DNER: variants seen among roughly 807,000 people sequenced by gnomAD.
DNER encodes the protein delta/notch like EGF repeat containing, also known as delta and Notch-like epidermal growth factor-related receptor.
In DNER, 33 loss-of-function variants were observed where a neutral mutation model predicts 78.2. The ratio of observed to expected loss-of-function variants is 0.42; its 90% CI spans 0.32 to 0.56. DNER has a LOEUF of 0.56. Among genes scored for constraint, DNER ranks in the 20% least tolerant of loss-of-function variants. The pLI is 0.11. For missense variants in DNER, 918 were observed against 975.3 expected (o/e 0.94, Z 0.78); for synonymous variants, 417 against 384.8 (o/e 1.08, Z -0.98).
intron 1 of DNER, among the ~76,000 whole-genome samples, chr2:229,709,766 A>T (rs1699883863): frequency 6.6e-6 from 1 of 152,246 alleles, no homozygotes; most frequent in Non-Finnish European, 1.5e-5. Context: ...GGAACATGTA[A>T]CGAAAAAACA....
chr2:229,487,040 A>T (rs1695290981), intron 6 of DNER, among the ~76,000 whole-genome samples: 1 of 152,218 alleles, frequency 6.6e-6, no homozygotes, highest in Non-Finnish European at 1.5e-5. Context: ...TCATTTCCGA[A>T]TTACACATAT....
chr2:229,595,580 C>A lies in DNER; in HGVS notation c.277-3692G>T, dbSNP rs116365609. Among the ~76,000 whole-genome samples, 5 of 152,350 alleles carry A rather than the reference C, an allele frequency of 3.3e-5. No individual in the cohort carries two copies. In the South Asian group the frequency reaches 6.2e-4, roughly 19 times the overall value. On this transcript the variant is annotated intron_variant, in intron 1 of 12. Coordinates refer to ENST00000341772, the MANE Select transcript of DNER (RefSeq NM_139072.4). ...TATAGACATGAGCCACTGTGCCCAG[C>A]CTGTATTCACCAAGTTTTACAGGCC...
At chr2:229,556,448 G>GTAA (rs1367830487) in intron 4 of DNER, among the ~76,000 whole-genome samples, 1 of 152,202 alleles carries the variant, frequency 6.6e-6, no homozygotes, top group Non-Finnish European at 1.5e-5. Context: ...AATGCTCTAA[G>GTAA]TAATTCTGAT....
At chr2:229,656,916 T>G (rs1422251021) in intron 1 of DNER, among the ~76,000 whole-genome samples, 1 of 152,124 alleles carries the variant, frequency 6.6e-6, no homozygotes, top group East Asian at 1.9e-4. Context: ...AATGACTTAA[T>G]ACACATATAT....
In DNER at chr2:229,591,793, A is replaced by G. The variant is rs768586225; in HGVS notation, c.372T>C (p.Asn124=). The part of the protein sequence containing the change: ...SSSDGYLCIC[N]EGYEGPNCEQ... Reference sequence around the variant, plus strand: ...CACAGTTGGGACCTTCATAGCCTTCATTGCAAATGCAGAGGTAGCCATCGC... The same window carrying G: ...CACAGTTGGGACCTTCATAGCCTTCGTTGCAAATGCAGAGGTAGCCATCGC... The change falls in exon 2 of 13, where the codon AAT becomes AAC. Residue 124 remains asparagine, a synonymous_variant. Transcript: ENST00000341772. This position sits in a 1 kb window ranked among gnomAD's most constrained non-coding sequence, Gnocchi z 4.6. 8.7e-6 allele frequency: 14 copies of G among 1,614,046 alleles called. No homozygotes were observed. The highest frequency in any genetic ancestry group is 1.1e-5 in the Non-Finnish European group (13 of 1,179,992).
chr2:229,588,625 A>C, intron 2 of DNER, 137 bp from the exon 3 acceptor site: 1 of 669,496 alleles, frequency 1.5e-6, no homozygotes, highest in East Asian at 2.7e-5. Flanking sequence ...GAGATGAAGA[A>C]GTGAAGCCTT....
chr2:229,445,391 T>G (rs1694319551), intron 8 of DNER, among the ~76,000 whole-genome samples: 1 of 152,228 alleles, frequency 6.6e-6, no homozygotes, highest in African/African-American at 2.4e-5. Flanking sequence ...GTGGAGAAAC[T>G]GTTTCACTTC....
At chr2:229,536,565 T>C (rs1370602768) in intron 5 of DNER, among the ~76,000 whole-genome samples, 1 of 152,126 alleles carries the variant, frequency 6.6e-6, no homozygotes, top group Non-Finnish European at 1.5e-5. Context: ...CACTGACTTA[T>C]GAACTGAAAA....
At chr2:229,682,963 A>G (rs971798555) in intron 1 of DNER, among the ~76,000 whole-genome samples, 1 of 152,254 alleles carries the variant, frequency 6.6e-6, no homozygotes, top group Admixed American at 6.5e-5. Context: ...GAACTATACA[A>G]CTGTAAAGAT....
chr2:229,640,101 T>C (rs1698590780), intron 1 of DNER, among the ~76,000 whole-genome samples: 2 of 152,338 alleles, frequency 1.3e-5, no homozygotes, highest in South Asian at 4.1e-4. Context: ...TCCTTGCTAC[T>C]GCACCACTGA....
intron 8 of DNER, among the ~76,000 whole-genome samples, chr2:229,435,092 C>A (rs1412811772): frequency 2.6e-5 from 4 of 152,154 alleles, no homozygotes; most frequent in Non-Finnish European, 5.9e-5. Flanking sequence ...GGCCCTGTGA[C>A]TTGCTCATGC....
intron 9 of DNER, among the ~76,000 whole-genome samples, chr2:229,412,308 T>A (rs1188879750): frequency 6.6e-6 from 1 of 152,240 alleles, no homozygotes; most frequent in Non-Finnish European, 1.5e-5. Flanking sequence ...TTACATTCCA[T>A]GAAAATGTTT....
intron 8 of DNER, among the ~76,000 whole-genome samples, chr2:229,431,825 A>C (rs1694014071): frequency 6.6e-6 from 1 of 152,298 alleles, no homozygotes; most frequent in South Asian, 2.1e-4. Context: ...TCTTTTACAA[A>C]AGGAAATAGA....
At chr2:229,648,960 C>T (rs1362384114) in intron 1 of DNER, among the ~76,000 whole-genome samples, 2 of 152,170 alleles carry the variant, frequency 1.3e-5, no homozygotes, top group Non-Finnish European at 2.9e-5. Context: ...TTTTTTCCTA[C>T]CGAGTGATAA....
intron 8 of DNER, among the ~76,000 whole-genome samples, chr2:229,421,615 AC>A (rs1473690168): frequency 7.0e-6 from 1 of 142,036 alleles, no homozygotes; most frequent in Non-Finnish European, 1.5e-5. Context: ...GTGGTAAAAA[AC>A]ATACAACATG....
chr2:229,454,342 T>C (rs970383123), intron 7 of DNER, among the ~76,000 whole-genome samples: 5 of 152,232 alleles, frequency 3.3e-5, no homozygotes, highest in Non-Finnish European at 7.3e-5. Context: ...CTTTGCTTTA[T>C]GGAACAGACT....
intron 5 of DNER, among the ~76,000 whole-genome samples, chr2:229,542,775 CAAAAAA>C (rs56738752): frequency 2.3e-5 from 2 of 88,272 alleles, no homozygotes; most frequent in Non-Finnish European, 2.4e-5. Flanking sequence ...CCCAAGTAGG[CAAAAAA>C]AAAAAAAAAA....
At chr2:229,499,598 A>C (rs1695571465) in intron 6 of DNER, among the ~76,000 whole-genome samples, 1 of 150,198 alleles carries the variant, frequency 6.7e-6, no homozygotes, top group African/African-American at 2.5e-5. Context: ...CTTAAATATC[A>C]GACCTGAAAC....
At chr2:229,582,343 T>C (rs546399476) in intron 4 of DNER, among the ~76,000 whole-genome samples, 24 of 152,228 alleles carry the variant, frequency 1.6e-4, no homozygotes, top group African/African-American at 4.8e-4. Context: ...CAGCTGGCGG[T>C]GTGGAGGTGG....
Sources: allele counts gnomAD v4.1 joint callset (sites outside exome capture counted in the v4.1 genomes callset), GRCh38; gene constraint gnomAD v4.1.1; non-coding constraint Gnocchi (gnomAD v3.1); transcripts MANE v1.5; gene names NCBI Gene and HGNC (gene_info 2026-07-23, HGNC 2026-07-21).